Variants in MCM10 observed in about 807,000 individuals in gnomAD.
The protein encoded by MCM10 is minichromosome maintenance 10 replication initiation factor, also known as protein MCM10 homolog.
Under a neutral mutation model 109.9 loss-of-function variants are expected in MCM10, and 91 were observed. That is an observed-to-expected ratio of 0.83 (90% CI 0.70 to 0.99). The LOEUF (loss-of-function observed/expected upper bound fraction) is 0.99. Among genes scored for constraint, MCM10 ranks in the 50% least tolerant of loss-of-function variants. MCM10 has a pLI of 0.00. For synonymous variants in MCM10, 380 were observed against 387.2 expected, an observed-to-expected ratio of 0.98 and a Z score of 0.22; for missense variants, 1,077 against 1,061.2, an observed-to-expected ratio of 1.01 and a Z score of -0.21.
Position 13,205,927 on chromosome 10 carries a change from C to T in MCM10, c.2498+1563C>T, listed in dbSNP as rs534740908. ...GGAACATCCTTCACATAGAATACGA[C>T]GATGGCACCTCTGGAGCTGGGTTAA... On this transcript the variant is annotated intron_variant, in intron 18 of 19. Transcript: ENST00000378714. 4.3e-4 allele frequency among the ~76,000 whole-genome samples: 65 copies of T among 152,292 alleles called. No individual in the cohort carries two copies. The South Asian group carries it at 0.01, about 24-fold the overall frequency.
intron 3 of MCM10, among the ~76,000 whole-genome samples, chr10:13,171,783 G>A (rs11592946): frequency 0.19 from 27,784 of 148,192 alleles, 3,134 homozygotes; most frequent in Non-Finnish European, 0.26. Context: ...TTTTTTTTCC[G>A]AGACAGATTC....
chr10:13,201,848 G>A, intron 17 of MCM10: 1 of 283,224 alleles, frequency 3.5e-6, no homozygotes. Flanking sequence ...CTCAGGTTTT[G>A]GCGTATCCTC....
intron 2 of MCM10, among the ~76,000 whole-genome samples, chr10:13,167,993 G>A (rs1834023872): frequency 6.6e-6 from 1 of 152,158 alleles, no homozygotes; most frequent in Admixed American, 6.5e-5. Flanking sequence ...ATGATTTTTG[G>A]TGGTGACTGA....
intron 6 of MCM10, among the ~76,000 whole-genome samples, chr10:13,179,163 C>T (rs1483037871): frequency 6.6e-6 from 1 of 152,142 alleles, no homozygotes; most frequent in Non-Finnish European, 1.5e-5. Context: ...GATAATTTGA[C>T]TTTTTCTTTT....
At chr10:13,194,394 A>AT (rs1157398332) in intron 13 of MCM10, among the ~76,000 whole-genome samples, 6 of 151,996 alleles carry the variant, frequency 3.9e-5, no homozygotes, top group Non-Finnish European at 8.8e-5. Context: ...TCTTAAAACT[A>AT]TTTTTTGCCA....
chr10:13,206,053 C>T (rs989455599), intron 18 of MCM10, among the ~76,000 whole-genome samples: 2 of 152,188 alleles, frequency 1.3e-5, no homozygotes, highest in Admixed American at 6.5e-5. Context: ...CCATCCTATC[C>T]CTTCGCACCA....
chr10:13,174,636 G>C (rs1564382762), intron 5 of MCM10, among the ~76,000 whole-genome samples: 2 of 152,150 alleles, frequency 1.3e-5, no homozygotes, highest in African/African-American at 4.8e-5. Context: ...AGTTAGAAAT[G>C]TATTTCCTTA....
At chr10:13,204,994 GTA>G (rs372986420) in intron 18 of MCM10, among the ~76,000 whole-genome samples, 3,416 of 122,756 alleles carry the variant, frequency 0.028, 144 homozygotes, top group Admixed American at 0.04. Flanking sequence ...ATGTATGTAT[GTA>G]TGTATGTATA....
intron 14 of MCM10, chr10:13,195,623 T>C (rs1308292102): frequency 1.4e-5 from 2 of 138,878 alleles, no homozygotes; most frequent in Non-Finnish European, 1.6e-5. Flanking sequence ...TATTTATTTA[T>C]TTTTTGAGAA....
At chr10:13,205,010 A>G (rs1391079660) in intron 18 of MCM10, among the ~76,000 whole-genome samples, 8 of 6,858 alleles carry the variant, frequency 1.2e-3, no homozygotes, top group South Asian at 0.023. Context: ...ATGTATATAT[A>G]TATATATATA....
intron 13 of MCM10, among the ~76,000 whole-genome samples, chr10:13,194,258 G>A (rs1352502497): frequency 2.0e-5 from 3 of 152,218 alleles, no homozygotes; most frequent in African/African-American, 4.8e-5. Flanking sequence ...AGCTACTCGG[G>A]AGGCTGAGGT....
At position 13,172,867 on chromosome 10, in the gene MCM10, A is replaced by G; in HGVS notation, c.592+102A>G. 9.0e-7 allele frequency: 1 copy of G among 1,113,006 alleles called. No homozygotes were observed. The highest frequency in any genetic ancestry group is 2.5e-5 in the East Asian group (1 of 40,320). 68.9% of individuals were successfully genotyped at this position (1,113,006 alleles called of 1,614,324 possible). On this transcript the variant is annotated intron_variant, in intron 5 of 19. Coordinates refer to ENST00000378714, the MANE Select transcript of MCM10 (RefSeq NM_018518.5). The surrounding 1 kb of genome is among the most constrained non-coding windows in gnomAD (Gnocchi z 5.2). ...GTGTCTGTGTCTTTTGGTCTGTCTT[A>G]TGTCCCCATTGAGAAAGAAAGTTTC...
In MCM10 at chr10:13,180,386, G is replaced by C. The variant is rs1834194481; in HGVS notation, c.765-56G>C. 3.4e-6 allele frequency: 5 copies of C among 1,490,222 alleles called. No homozygotes were observed. In the African/African-American group the frequency reaches 5.6e-5, roughly 17 times the overall value. 92.3% of individuals were successfully genotyped at this position (1,490,222 alleles called of 1,614,324 possible). ...ACACTCCCTTACCACCTGCTAAGGT[G>C]CCAGGTAATTTCTTTATTAGAATCA... is the stretch of plus-strand genomic sequence containing the variant. On this transcript the variant is annotated intron_variant, in intron 6 of 19. Coordinates refer to ENST00000378714, the MANE Select transcript of MCM10 (RefSeq NM_018518.5).
At chr10:13,166,657 CATACATATATAT>C (rs1419669212) in intron 2 of MCM10, among the ~76,000 whole-genome samples, 2 of 19,936 alleles carry the variant, frequency 1.0e-4, no homozygotes, top group Non-Finnish European at 2.7e-4. Context: ...AAAATACATA[CATACATATATAT>C]ATATATATAT....
At chr10:13,188,129 A>G (rs928192666) in intron 9 of MCM10, among the ~76,000 whole-genome samples, 9 of 152,030 alleles carry the variant, frequency 5.9e-5, no homozygotes, top group African/African-American at 1.9e-4. Flanking sequence ...TGGGTGACAG[A>G]GCGAGACTCT....
chr10:13,198,805 G>T lies in MCM10; in HGVS notation c.2236G>T (p.Glu746Ter). ...AKSKHTGILKEAEAEMQERYF... is the reference protein window; with the variant it reads ...AKSKHTGILK ...ATCAAAACACACAGGCATCCTGAAAGAGGTAAGAGCCCAAAAGCTCAAGGA... is the reference window on the plus strand; with the variant it reads ...ATCAAAACACACAGGCATCCTGAAATAGGTAAGAGCCCAAAAGCTCAAGGA... The change falls in exon 16 of 20, where the codon GAG becomes TAG. Residue 746 changes from glutamate to a stop codon, truncating the protein, a stop_gained and splice_region_variant. Transcript: ENST00000378714. LOFTEE classifies it high-confidence loss of function. The T allele has an allele frequency of 1.2e-6, 2 of 1,605,242 alleles. No individual in the cohort carries two copies. Among genetic ancestry groups the T allele is most frequent in the Non-Finnish European group, 1.7e-6 (2 of 1,173,724 alleles).
intron 6 of MCM10, among the ~76,000 whole-genome samples, chr10:13,176,523 C>T (rs1834143884): frequency 6.6e-6 from 1 of 152,138 alleles, no homozygotes; most frequent in African/African-American, 2.4e-5. Flanking sequence ...GTGTAAATAT[C>T]AGCCAACAAC....
At chr10:13,165,646 G>A (rs544242402) in intron 2 of MCM10, among the ~76,000 whole-genome samples, 122 of 152,120 alleles carry the variant, frequency 8.0e-4, no homozygotes, top group African/African-American at 2.5e-3. Context: ...AGGCCAAGGT[G>A]GGTGGATCAC....
intron 18 of MCM10, among the ~76,000 whole-genome samples, chr10:13,208,566 C>CAAAAA (rs55683228): frequency 3.1e-4 from 36 of 114,432 alleles, no homozygotes; most frequent in Middle Eastern, 5.1e-3. Context: ...CCCATCTCTC[C>CAAAAA]AAAAAAAAAA....
Sources: allele counts gnomAD v4.1 joint callset (sites outside exome capture counted in the v4.1 genomes callset), GRCh38; gene constraint gnomAD v4.1.1; non-coding constraint Gnocchi (gnomAD v3.1); transcripts MANE v1.5; gene names NCBI Gene and HGNC (gene_info 2026-07-23, HGNC 2026-07-21).